The following CSMD1 variants were observed in gnomAD, a reference collection of about 807,000 sequenced individuals.
CSMD1 encodes CUB and Sushi multiple domains 1, also known as CUB and sushi domain-containing protein 1.
CSMD1 carries 213 observed loss-of-function variants against 417.5 expected under a neutral mutation model. That is an observed-to-expected ratio of 0.51 (90% CI 0.46 to 0.57). CSMD1 has a LOEUF of 0.57. Among genes scored for constraint, CSMD1 ranks in the 20% least tolerant of loss-of-function variants. The pLI is 0.00. For missense variants in CSMD1, 6,923 were observed against 4,529.7 expected (o/e 1.53, Z -15.17); for synonymous variants, 2,862 against 1,736.8 (o/e 1.65, Z -16.11).
chr8:2,979,677 C>G (rs77189253), intron 54 of CSMD1, among the ~76,000 whole-genome samples: 1 of 152,160 alleles, frequency 6.6e-6, no homozygotes, highest in Non-Finnish European at 1.5e-5. Flanking sequence ...CCAAACTGTG[C>G]GTTTTATTTC....
intron 3 of CSMD1, among the ~76,000 whole-genome samples, chr8:4,122,270 C>T (rs1802527375): frequency 6.6e-6 from 1 of 151,986 alleles, no homozygotes; most frequent in Non-Finnish European, 1.5e-5. Flanking sequence ...TTCTTAAGAC[C>T]TGGTTATTTA....
At chr8:4,734,746 C>T (rs1810120107) in intron 1 of CSMD1, among the ~76,000 whole-genome samples, 1 of 152,136 alleles carries the variant, frequency 6.6e-6, no homozygotes, top group Admixed American at 6.5e-5. Flanking sequence ...AAATTATTGG[C>T]TACTTCTTTG....
rs550538228 is a variant in CSMD1 at position 3,646,912 on chromosome 8, G to A, written c.1010-30115C>T. On this transcript the variant is annotated intron_variant, in intron 7 of 69. Transcript: ENST00000635120. ...AGTTTTGATGAGTAGGCTTAGGTAGGGCAGATACAAAAAAAATTTAAAACC... is the reference window on the plus strand; with the variant it reads ...AGTTTTGATGAGTAGGCTTAGGTAGAGCAGATACAAAAAAAATTTAAAACC... Among the ~76,000 whole-genome samples the A allele has an allele frequency of 5.9e-5, 9 of 152,128 alleles. No individual in the cohort carries two copies. The South Asian group carries it at 1.9e-3, about 32-fold the overall frequency.
chr8:4,194,440 G>C (rs1402024944), intron 3 of CSMD1, among the ~76,000 whole-genome samples: 5 of 152,050 alleles, frequency 3.3e-5, no homozygotes, highest in Admixed American at 1.3e-4. Context: ...ACAATAAATG[G>C]TGACAAAGGC....
intron 5 of CSMD1, among the ~76,000 whole-genome samples, chr8:3,988,667 C>T (rs1420652394): frequency 6.6e-6 from 1 of 152,210 alleles, no homozygotes; most frequent in Non-Finnish European, 1.5e-5. Flanking sequence ...CCACTGTTAT[C>T]ACATTTCATT....
chr8:3,665,080 AT>A (rs1302144568), intron 7 of CSMD1, among the ~76,000 whole-genome samples: 1 of 152,232 alleles, frequency 6.6e-6, no homozygotes, highest in Non-Finnish European at 1.5e-5. Context: ...AGAAACATCC[AT>A]AACCTAAGAG....
chr8:3,096,369 T>A (rs183501294), intron 47 of CSMD1, among the ~76,000 whole-genome samples: 3,642 of 148,722 alleles, frequency 0.024, 136 homozygotes, highest in African/African-American at 0.083. Context: ...GTCTTTCCCA[T>A]GCTGTTCTCC....
intron 41 of CSMD1, among the ~76,000 whole-genome samples, chr8:3,139,377 C>A (rs1289399743): frequency 1.3e-5 from 2 of 152,118 alleles, no homozygotes; most frequent in African/African-American, 4.8e-5. Flanking sequence ...AGAGAGATAG[C>A]AGAATAACCC....
At chr8:3,112,579 CT>C (rs1047234211) in intron 42 of CSMD1, among the ~76,000 whole-genome samples, 66 of 152,172 alleles carry the variant, frequency 4.3e-4, no homozygotes, top group Non-Finnish European at 1.3e-4. Context: ...AATAACAAAT[CT>C]TTTCACTCAC....
intron 20 of CSMD1, among the ~76,000 whole-genome samples, chr8:3,363,468 G>T (rs1235248603): frequency 6.6e-6 from 1 of 152,178 alleles, no homozygotes; most frequent in Non-Finnish European, 1.5e-5. Context: ...GACACCCTCT[G>T]ACCTGGACAG....
At chr8:4,558,822 C>T (rs891301993) in intron 2 of CSMD1, among the ~76,000 whole-genome samples, 4 of 152,152 alleles carry the variant, frequency 2.6e-5, no homozygotes, top group African/African-American at 7.2e-5. Flanking sequence ...GAATGGAGAT[C>T]GTGCCACTGC....
chr8:3,392,530 C>A (rs1811413083), intron 17 of CSMD1, among the ~76,000 whole-genome samples: 1 of 152,032 alleles, frequency 6.6e-6, no homozygotes, highest in African/African-American at 2.4e-5. Flanking sequence ...CTTTAACCCT[C>A]CGTGACCTCT....
intron 1 of CSMD1, among the ~76,000 whole-genome samples, chr8:4,724,322 CT>C (rs1294508434): frequency 6.6e-6 from 1 of 151,966 alleles, no homozygotes; most frequent in Non-Finnish European, 1.5e-5. Context: ...TATATCACTA[CT>C]GATTATATGA....
intron 3 of CSMD1, among the ~76,000 whole-genome samples, chr8:4,331,998 G>T (rs890873916): frequency 6.6e-6 from 1 of 152,088 alleles, no homozygotes; most frequent in Non-Finnish European, 1.5e-5. Context: ...TGAAAATGCT[G>T]AGTAATTTAC....
intron 52 of CSMD1, among the ~76,000 whole-genome samples, chr8:3,016,675 C>A (rs1808862519): frequency 6.6e-6 from 1 of 152,068 alleles, no homozygotes; most frequent in Admixed American, 6.6e-5. Flanking sequence ...ATGTCTCTTC[C>A]AATTTTATTA....
intron 5 of CSMD1, among the ~76,000 whole-genome samples, chr8:3,902,763 T>C (rs1446018647): frequency 5.3e-5 from 8 of 152,108 alleles, no homozygotes; most frequent in African/African-American, 1.4e-4. Context: ...TTTCTTTGTA[T>C]CAAATAGAGT....
chr8:3,587,662 C>A (rs1800664967), intron 8 of CSMD1, among the ~76,000 whole-genome samples: 1 of 152,114 alleles, frequency 6.6e-6, no homozygotes, highest in African/African-American at 2.4e-5. Context: ...CAACAGCCAT[C>A]AAATCAGAGT....
chr8:3,625,968 G>C (rs1796469974), intron 7 of CSMD1, among the ~76,000 whole-genome samples: 2 of 152,124 alleles, frequency 1.3e-5, no homozygotes, highest in Admixed American at 1.3e-4. Flanking sequence ...AAGCCAAGAT[G>C]TTTATTTACT....
chr8:3,588,837 A>G (rs1800714835), intron 8 of CSMD1, among the ~76,000 whole-genome samples: 1 of 152,162 alleles, frequency 6.6e-6, no homozygotes, highest in Non-Finnish European at 1.5e-5. Flanking sequence ...ATACCTGCTA[A>G]TGCGTTCATA....
Sources: allele counts gnomAD v4.1 joint callset (sites outside exome capture counted in the v4.1 genomes callset), GRCh38; gene constraint gnomAD v4.1.1; transcripts MANE v1.5; gene names NCBI Gene and HGNC (gene_info 2026-07-23, HGNC 2026-07-21).